Variants in SLC9A9 observed in about 807,000 individuals in gnomAD.
SLC9A9 encodes the protein sodium/hydrogen exchanger 9.
Under a neutral mutation model 77.8 loss-of-function variants are expected in SLC9A9, and 62 were observed. The observed-to-expected ratio is 0.80, with a 90% CI of 0.65 to 0.98. The LOEUF (loss-of-function observed/expected upper bound fraction) is 0.98, where lower values mean the gene tolerates loss of function less well. Ranked by LOEUF, SLC9A9 falls within the 50% of genes least tolerant of loss-of-function variation. The pLI, the probability that SLC9A9 is intolerant of heterozygous loss-of-function variation, is 0.00. For missense variants in SLC9A9, 775 were observed against 774.9 expected (o/e 1.00, Z 0.00); for synonymous variants, 320 against 283.5 (o/e 1.13, Z -1.29).
chr3:143,636,006 T>G (rs541416066), intron 6 of SLC9A9, among the ~76,000 whole-genome samples: 2 of 152,328 alleles, frequency 1.3e-5, no homozygotes, highest in African/African-American at 4.8e-5. Flanking sequence ...TCCTGCTGTC[T>G]TAAGCAGAAG....
At chr3:143,342,499 G>A (rs1396117349) in intron 14 of SLC9A9, among the ~76,000 whole-genome samples, 1 of 152,098 alleles carries the variant, frequency 6.6e-6, no homozygotes, top group East Asian at 1.9e-4. Context: ...AAACCTTATT[G>A]CTGATGTATT....
At chr3:143,808,489 G>C (rs1361965865) in intron 2 of SLC9A9, among the ~76,000 whole-genome samples, 1 of 149,410 alleles carries the variant, frequency 6.7e-6, no homozygotes, top group Non-Finnish European at 1.5e-5. Flanking sequence ...GGTGTACAAA[G>C]CTTGGCTTGT....
rs558101108 is a variant in SLC9A9, at chr3:143,485,991, C to A, written c.1315+7662G>T. On this transcript the variant is annotated intron_variant, in intron 11 of 15. Coordinates refer to ENST00000316549, the MANE Select transcript of SLC9A9 (RefSeq NM_173653.4). Reference sequence around the variant, plus strand: ...GAACTCAAAGAGATGCGGACTGAAACACTTTCAAAGTTTTTAAAGAATGTT... The same window carrying A: ...GAACTCAAAGAGATGCGGACTGAAAAACTTTCAAAGTTTTTAAAGAATGTT... 2.0e-3 allele frequency among the ~76,000 whole-genome samples: 309 copies of A among 152,074 alleles called. 2 individuals are homozygous for A. The highest frequency in any genetic ancestry group is 7.2e-3 in the African/African-American group (298 of 41,490).
chr3:143,627,782 G>C (rs1218276145), intron 6 of SLC9A9: 1 of 152,500 alleles, frequency 6.6e-6, no homozygotes, highest in African/African-American at 2.4e-5. Flanking sequence ...AAATTTCTTT[G>C]CACTGCTCTG....
intron 14 of SLC9A9, among the ~76,000 whole-genome samples, chr3:143,329,292 G>A (rs1227554683): frequency 6.6e-6 from 1 of 152,162 alleles, no homozygotes; most frequent in Non-Finnish European, 1.5e-5. Flanking sequence ...GTTAGTTGAT[G>A]GGTGAGTAAA....
chr3:143,691,071 A>G (rs950851232), intron 5 of SLC9A9, among the ~76,000 whole-genome samples: 3 of 152,104 alleles, frequency 2.0e-5, no homozygotes, highest in Admixed American at 2.0e-4. Context: ...AAATTCTAGC[A>G]TCTGATACTT....
At chr3:143,557,123 T>C (rs973148595) in intron 8 of SLC9A9, among the ~76,000 whole-genome samples, 1 of 152,176 alleles carries the variant, frequency 6.6e-6, no homozygotes, top group Non-Finnish European at 1.5e-5. Flanking sequence ...TCCCCCATGC[T>C]GTTCTCATGA....
chr3:143,779,961 C>T (rs2007818459), intron 4 of SLC9A9, among the ~76,000 whole-genome samples: 1 of 152,114 alleles, frequency 6.6e-6, no homozygotes, highest in South Asian at 2.1e-4. Context: ...TAATGTTTAC[C>T]TTTTCCTACA....
intron 2 of SLC9A9, among the ~76,000 whole-genome samples, chr3:143,827,604 C>T (rs1039304850): frequency 2.6e-5 from 4 of 152,138 alleles, no homozygotes; most frequent in Non-Finnish European, 5.9e-5. Flanking sequence ...ACAGAGCCAT[C>T]AAACCAGTTC....
At chr3:143,276,649 A>C (rs1938057389) in intron 14 of SLC9A9, among the ~76,000 whole-genome samples, 1 of 151,806 alleles carries the variant, frequency 6.6e-6, no homozygotes, top group Non-Finnish European at 1.5e-5. Flanking sequence ...CTGACTAGGA[A>C]CTGTCCATGA....
intron 11 of SLC9A9, among the ~76,000 whole-genome samples, chr3:143,478,947 G>T (rs914752300): frequency 1.3e-5 from 2 of 152,208 alleles, no homozygotes; most frequent in African/African-American, 2.4e-5. Context: ...TGATATCTGT[G>T]ACACTTTGGA....
Position 143,602,935 on chromosome 3 carries a change from C to T in SLC9A9, c.756-24212G>A, listed in dbSNP as rs187592091. ...TGATGACCACATGTGAGCATAATGGCGCTTTAAAGCCAAGATTTCCTCTTC... is the reference window on the plus strand; with the variant it reads ...TGATGACCACATGTGAGCATAATGGTGCTTTAAAGCCAAGATTTCCTCTTC... On this transcript the variant is annotated intron_variant, in intron 6 of 15. Coordinates refer to ENST00000316549, the MANE Select transcript of SLC9A9 (RefSeq NM_173653.4). 2.1e-3 allele frequency among the ~76,000 whole-genome samples: 321 copies of T among 152,304 alleles called. 2 individuals carry two copies. The highest frequency in any genetic ancestry group is 6.8e-3 in the Middle Eastern group (2 of 294).
At chr3:143,824,735 T>C (rs1393547555) in intron 2 of SLC9A9, among the ~76,000 whole-genome samples, 2 of 152,248 alleles carry the variant, frequency 1.3e-5, no homozygotes, top group Non-Finnish European at 2.9e-5. Flanking sequence ...AAATCTGTGT[T>C]GTTCAATGAT....
chr3:143,841,615 C>T (rs2009708168), intron 1 of SLC9A9, among the ~76,000 whole-genome samples: 1 of 152,150 alleles, frequency 6.6e-6, no homozygotes, highest in Admixed American at 6.5e-5. Context: ...TATGCACATT[C>T]ATTAGCCTTT....
intron 14 of SLC9A9, among the ~76,000 whole-genome samples, chr3:143,357,555 C>A (rs1172556558): frequency 1.3e-5 from 2 of 152,100 alleles, no homozygotes; most frequent in East Asian, 3.8e-4. Flanking sequence ...ACCAATTATA[C>A]ACTAGAAACA....
chr3:143,835,088 G>A (rs1413882530), intron 1 of SLC9A9, among the ~76,000 whole-genome samples: 1 of 152,096 alleles, frequency 6.6e-6, no homozygotes, highest in Non-Finnish European at 1.5e-5. Context: ...TCCTAGAATT[G>A]CACCACAGCC....
In SLC9A9 at chr3:143,424,467, C is replaced by T. The variant is rs538722264; in HGVS notation, c.1470-42353G>A. Among the ~76,000 whole-genome samples, 9 of 151,888 alleles carry T rather than the reference C, an allele frequency of 5.9e-5. No homozygotes were observed. The East Asian group carries it at 7.8e-4, about 13-fold the overall frequency. The stretch of plus-strand genomic sequence containing the variant: ...TAATTTTTTGTATTTTTAGTAGAGA[C>T]GGGGTTTCACTGTGTTAGCCAGGAT... On this transcript the variant is annotated intron_variant, in intron 12 of 15. Transcript: ENST00000316549.
chr3:143,841,636 G>A (rs73869041), intron 1 of SLC9A9, among the ~76,000 whole-genome samples: 6,460 of 152,182 alleles, frequency 0.042, 447 homozygotes, highest in African/African-American at 0.14. Context: ...CAAACACTGA[G>A]GGGGGAGTCC....
intron 4 of SLC9A9, among the ~76,000 whole-genome samples, chr3:143,701,481 A>G (rs1345488303): frequency 6.6e-6 from 1 of 152,196 alleles, no homozygotes; most frequent in Non-Finnish European, 1.5e-5. Context: ...AAAGAATGAA[A>G]TAGAAATTCT....
Sources: allele counts gnomAD v4.1 joint callset (sites outside exome capture counted in the v4.1 genomes callset), GRCh38; gene constraint gnomAD v4.1.1; transcripts MANE v1.5; gene names NCBI Gene and HGNC (gene_info 2026-07-23, HGNC 2026-07-21).